ADAM9: variants seen among roughly 807,000 people sequenced by gnomAD.
ADAM9 encodes the protein disintegrin and metalloproteinase domain-containing protein 9.
Under a neutral mutation model 108.1 loss-of-function variants are expected in ADAM9, and 54 were observed. That is an observed-to-expected ratio of 0.50 (90% confidence interval 0.40 to 0.63). ADAM9 has a LOEUF of 0.63. Ranked by LOEUF, ADAM9 falls within the 20% of genes least tolerant of loss-of-function variation. ADAM9 has a pLI of 0.00. For missense variants in ADAM9, 830 were observed against 997.7 expected, an observed-to-expected ratio of 0.83 and a Z score of 2.26; for synonymous variants, 316 against 336.0, an observed-to-expected ratio of 0.94 and a Z score of 0.65.
chr8:39,101,917 CA>C lies in ADAM9; in HGVS notation c.2354del (p.Gln785ArgfsTer19), dbSNP rs781556720. ...VPTYAAKQPQ[Q>X]FPSRPPPPQP... ...AACCTATGCAGCCAAGCAACCTCAGCAGTTCCCATCAAGGTCAGAAGAAAAT... is the reference window on the plus strand; with the variant it reads ...AACCTATGCAGCCAAGCAACCTCAGCGTTCCCATCAAGGTCAGAAGAAAAT... On this transcript the variant is annotated frameshift_variant, in exon 21 of 22. Coordinates refer to ENST00000487273, the MANE Select transcript of ADAM9 (RefSeq NM_003816.3). LOFTEE classifies it high-confidence loss of function. 1 of 1,613,650 alleles carries C rather than the reference CA, an allele frequency of 6.2e-7. No individual in the cohort carries two copies. The highest frequency in any genetic ancestry group is 1.3e-5 in the African/African-American group (1 of 74,998).
intron 11 of ADAM9, among the ~76,000 whole-genome samples, chr8:39,035,356 C>T (rs954286283): frequency 6.6e-6 from 1 of 152,146 alleles, no homozygotes; most frequent in Admixed American, 6.5e-5. Context: ...ACTTTTGTCT[C>T]TGATCATAGT....
intron 12 of ADAM9, 80 bp downstream of exon 12, chr8:39,042,197 C>T (rs1378720793): frequency 6.7e-7 from 1 of 1,494,404 alleles, no homozygotes; most frequent in Non-Finnish European, 9.3e-7. Flanking sequence ...TTGGGCAACT[C>T]TGACATAGGA....
At chr8:39,010,130 C>G (rs1195069398) in intron 2 of ADAM9, among the ~76,000 whole-genome samples, 2 of 151,760 alleles carry the variant, frequency 1.3e-5, no homozygotes, top group Non-Finnish European at 2.9e-5. Flanking sequence ...GAAGGTAGCC[C>G]TTTAGTAAAG....
intron 2 of ADAM9, among the ~76,000 whole-genome samples, chr8:39,008,748 ATTTACTAAAATACAAGTT>A (rs1836249103): frequency 1.3e-5 from 2 of 152,182 alleles, no homozygotes; most frequent in Non-Finnish European, 2.9e-5. Context: ...ATTAGGGAAT[ATTTACTAAAATACAAGTT>A]TTATTTTCAT....
chr8:39,055,472 C>A, intron 13 of ADAM9, 105 bp from the exon 14 acceptor site: 1 of 1,134,242 alleles, frequency 8.8e-7, no homozygotes, highest in Non-Finnish European at 1.3e-6. Context: ...TAATCTTTTG[C>A]TATTGTTAGA....
chr8:39,058,644 C>T (rs1838201482), intron 14 of ADAM9, among the ~76,000 whole-genome samples: 1 of 152,142 alleles, frequency 6.6e-6, no homozygotes, highest in Admixed American at 6.6e-5. Context: ...CCTTCTTTGC[C>T]TGTTGACTTG....
At chr8:39,003,522 A>G (rs1227850575) in intron 1 of ADAM9, among the ~76,000 whole-genome samples, 2 of 152,010 alleles carry the variant, frequency 1.3e-5, no homozygotes, top group African/African-American at 4.8e-5. Context: ...ATTTGGGGAA[A>G]ATCTATGCAG....
rs1019687054 is a variant in ADAM9 at position 39,055,741 on chromosome 8, T to C, written c.1560T>C (p.Tyr520=). Residue 520 remains tyrosine, a synonymous_variant, in exon 14 of 22, where the codon TAT becomes TAC. Transcript: ENST00000487273. ...AYCYNGMCQY[Y]DAQCQVIFGS... ...GCTACAACGGCATGTGCCAGTATTA[T>C]GATGCTCAATGTCAAGTCATCTTTG... 5.6e-6 allele frequency: 9 copies of C among 1,613,606 alleles called. No individual in the cohort carries two copies. In the Middle Eastern group the frequency reaches 8.3e-4, roughly 148 times the overall value.
chr8:39,080,116 G>T (rs1048128253), intron 16 of ADAM9, among the ~76,000 whole-genome samples: 3 of 150,506 alleles, frequency 2.0e-5, no homozygotes, highest in African/African-American at 4.9e-5. Flanking sequence ...TTGTGTGTGG[G>T]GTGTGTGTGT....
At chr8:39,053,828 CT>C (rs780462950) in intron 12 of ADAM9, among the ~76,000 whole-genome samples, 2 of 152,118 alleles carry the variant, frequency 1.3e-5, no homozygotes, top group Non-Finnish European at 2.9e-5. Flanking sequence ...AGATAAATGC[CT>C]TTATGGACAC....
At chr8:39,085,495 A>G (rs914297014) in intron 18 of ADAM9, among the ~76,000 whole-genome samples, 1 of 152,006 alleles carries the variant, frequency 6.6e-6, no homozygotes, top group East Asian at 1.9e-4. Flanking sequence ...TTCCTTTTAC[A>G]TTTCTTATAA....
chr8:39,002,926 C>T (rs921201084), intron 1 of ADAM9, among the ~76,000 whole-genome samples: 3 of 151,964 alleles, frequency 2.0e-5, no homozygotes, highest in Non-Finnish European at 2.9e-5. Context: ...CAACCTCCCC[C>T]TCCTGGGCTA....
At position 39,103,656 on chromosome 8, in the gene ADAM9, G is replaced by T; in HGVS notation, c.2416G>T (p.Ala806Ser). ...ATCATCTCAGGGAAACTTAATTCCTGCCCGTCCTGCTCCTGCACCTCCTTT... is the reference window on the plus strand; with the variant it reads ...ATCATCTCAGGGAAACTTAATTCCTTCCCGTCCTGCTCCTGCACCTCCTTT... ...KVSSQGNLIP[A>S]RPAPAPPLYS... is the part of the protein sequence containing the mutation. The change falls in exon 22 of 22, where the codon GCC becomes TCC. Residue 806 changes from alanine (A) to serine (S), a missense_variant. Coordinates refer to ENST00000487273, the MANE Select transcript of ADAM9 (RefSeq NM_003816.3). The T allele has an allele frequency of 6.2e-7, 1 of 1,613,864 alleles. No individual in the cohort carries two copies. The highest frequency in any genetic ancestry group is 8.5e-7 in the Non-Finnish European group (1 of 1,179,974).
intron 9 of ADAM9, 130 bp downstream of exon 9, chr8:39,023,455 A>G (rs193139857): frequency 2.1e-6 from 2 of 931,452 alleles, no homozygotes; most frequent in East Asian, 5.3e-5. Flanking sequence ...ACTTAGCTTG[A>G]TGTGGCATTA....
chr8:39,037,208 C>T (rs1372679735), intron 11 of ADAM9, among the ~76,000 whole-genome samples: 1 of 150,228 alleles, frequency 6.7e-6, no homozygotes, highest in Non-Finnish European at 1.5e-5. Context: ...CAGGCGCCCG[C>T]CACTGCGCCC....
intron 1 of ADAM9, among the ~76,000 whole-genome samples, chr8:38,999,595 T>C (rs993470994): frequency 2.0e-5 from 3 of 152,176 alleles, no homozygotes; most frequent in African/African-American, 7.2e-5. Flanking sequence ...ATTTGATATG[T>C]TTGTGTTTGT....
chr8:39,037,458 G>GTTTT (rs758149510), intron 11 of ADAM9, among the ~76,000 whole-genome samples: 5 of 126,558 alleles, frequency 4.0e-5, no homozygotes, highest in Non-Finnish European at 6.5e-5. Context: ...GTGTGTGTGT[G>GTTTT]TTTTTTTTTT....
intron 5 of ADAM9, 123 bp downstream of exon 5, chr8:39,016,317 C>T: frequency 7.2e-6 from 6 of 833,812 alleles, no homozygotes; most frequent in African/African-American, 1.7e-5. Flanking sequence ...TTTGATGTTA[C>T]TGAACATTTT....
chr8:39,059,029 A>G (rs1244387693), intron 14 of ADAM9, among the ~76,000 whole-genome samples: 1 of 152,216 alleles, frequency 6.6e-6, no homozygotes, highest in African/African-American at 2.4e-5. Flanking sequence ...CCATGCTGTC[A>G]GCCAGCTGCT....
Sources: allele counts gnomAD v4.1 joint callset (sites outside exome capture counted in the v4.1 genomes callset), GRCh38; gene constraint gnomAD v4.1.1; transcripts MANE v1.5; gene names NCBI Gene and HGNC (gene_info 2026-07-23, HGNC 2026-07-21).